MAP3K5: variants seen among roughly 807,000 people sequenced by gnomAD.
MAP3K5 encodes mitogen-activated protein kinase kinase kinase 5.
A neutral mutation model predicts 158.7 loss-of-function variants in MAP3K5; 56 were observed. The observed-to-expected ratio is 0.35, with a 90% CI of 0.28 to 0.44. The LOEUF (loss-of-function observed/expected upper bound fraction) is 0.44, where lower values mean the gene tolerates loss of function less well. Ranked by LOEUF, MAP3K5 falls within the 20% of genes least tolerant of loss-of-function variation. The probability of loss-of-function intolerance (pLI) is 1.00; values close to 1 mark genes in which losing one functional copy is unlikely to be tolerated. For missense variants in MAP3K5, 1,294 were observed against 1,674.8 expected, an observed-to-expected ratio of 0.77 and a Z score of 3.97; for synonymous variants, 579 against 601.7, an observed-to-expected ratio of 0.96 and a Z score of 0.55.
At chr6:136,630,926 C>A (rs1374047885) in intron 14 of MAP3K5, among the ~76,000 whole-genome samples, 5 of 152,016 alleles carry the variant, frequency 3.3e-5, no homozygotes, top group African/African-American at 1.2e-4. Flanking sequence ...ATGGTGAAAC[C>A]CTGTCTCTAT....
At chr6:136,778,755 T>TA (rs772246965) in intron 1 of MAP3K5, among the ~76,000 whole-genome samples, 3 of 152,224 alleles carry the variant, frequency 2.0e-5, no homozygotes, top group Non-Finnish European at 4.4e-5. Context: ...TGCCCCTCAG[T>TA]AGCTATGTGA....
intron 1 of MAP3K5, among the ~76,000 whole-genome samples, chr6:136,769,730 G>T (rs1390206225): frequency 3.0e-5 from 4 of 131,686 alleles, no homozygotes; most frequent in East Asian, 2.2e-4. Context: ...ACTGAAGGAA[G>T]GGAGGAAGGG....
At chr6:136,671,731 A>G (rs1583390662) in intron 7 of MAP3K5, among the ~76,000 whole-genome samples, 1 of 152,116 alleles carries the variant, frequency 6.6e-6, no homozygotes, top group African/African-American at 2.4e-5. Context: ...CTCCTGCCTC[A>G]GCCTCCCGAG....
At position 136,792,004 on chromosome 6, in the gene MAP3K5, C is replaced by CCGGCGG; in HGVS notation, c.148_153dup (p.Pro50_Pro51dup). The CCGGCGG allele has an allele frequency of 1.9e-6, 3 of 1,589,066 alleles. No individual in the cohort carries two copies. On this transcript the variant is annotated inframe_insertion, in exon 1 of 30. Coordinates refer to ENST00000359015, the MANE Select transcript of MAP3K5 (RefSeq NM_005923.4). This position sits in a 1 kb window ranked among gnomAD's most constrained non-coding sequence, Gnocchi z 5.7. ...GCGCTCTCCACGTTCCAGAAGCTGC[C>CCGGCGG]CGGCGGCGGCGGTGGCAGCTGGTGC...
chr6:136,627,453 C>A (rs1300183326), intron 14 of MAP3K5, among the ~76,000 whole-genome samples: 2 of 152,252 alleles, frequency 1.3e-5, no homozygotes, highest in Non-Finnish European at 2.9e-5. Flanking sequence ...GAAATCCAAA[C>A]TCCTTAGCAC....
intron 7 of MAP3K5, among the ~76,000 whole-genome samples, chr6:136,687,924 T>C (rs1184343764): frequency 6.6e-6 from 1 of 152,220 alleles, no homozygotes. Flanking sequence ...TATTGGTATA[T>C]ACCCAAAGGA....
intron 15 of MAP3K5, among the ~76,000 whole-genome samples, chr6:136,618,326 C>T (rs1357206251): frequency 6.6e-6 from 1 of 152,180 alleles, no homozygotes; most frequent in Non-Finnish European, 1.5e-5. Context: ...GAGTTGTCTG[C>T]GATCTCTTTA....
intron 14 of MAP3K5, among the ~76,000 whole-genome samples, chr6:136,632,244 G>A (rs1777402418): frequency 1.3e-5 from 2 of 152,260 alleles, no homozygotes; most frequent in African/African-American, 4.8e-5. Flanking sequence ...GCATCAGCTG[G>A]GCATGGTGGC....
In MAP3K5 at chr6:136,613,818, G is replaced by A. The variant is rs1369873146; in HGVS notation, c.2278+341C>T. ...CAAGCTGTAACCACTTAAATGTAATGACTTTGGGTAGAAGATGTTGCCACC... is the reference window on the plus strand; with the variant it reads ...CAAGCTGTAACCACTTAAATGTAATAACTTTGGGTAGAAGATGTTGCCACC... On this transcript the variant is annotated intron_variant, in intron 16 of 29. Transcript: ENST00000359015. The surrounding 1 kb of genome is among the most constrained non-coding windows in gnomAD (Gnocchi z 4.0). 6.6e-6 allele frequency among the ~76,000 whole-genome samples: 1 copy of A among 151,774 alleles called. No homozygotes were observed. Among genetic ancestry groups the A allele is most frequent in the Non-Finnish European group, 1.5e-5 (1 of 68,012 alleles).
Position 136,791,841 on chromosome 6 carries a change from A to C in MAP3K5, c.317T>G (p.Val106Gly). The C allele has an allele frequency of 5.0e-6, 8 of 1,613,712 alleles. No individual in the cohort carries two copies. Among genetic ancestry groups the C allele is most frequent in the Non-Finnish European group, 6.8e-6 (8 of 1,179,976 alleles). The change falls in exon 1 of 30, where the codon GTG becomes GGG. Residue 106 changes from valine (V) to glycine (G), a missense_variant. Val to Gly is a moderately radical substitution (Grantham distance 109). Coordinates refer to ENST00000359015, the MANE Select transcript of MAP3K5 (RefSeq NM_005923.4). ...CTGCAGGGCCTCGCTCTCGGCCACC[A>C]CCAGTTGCCCTTGGCTCGCTTCGTT... Reference protein sequence around the residue: ...VINEASQGQLVVAESEALQSL... With the variant: ...VINEASQGQLGVAESEALQSL...
intron 18 of MAP3K5, among the ~76,000 whole-genome samples, chr6:136,607,894 C>T (rs1397047271): frequency 6.6e-6 from 1 of 152,162 alleles, no homozygotes; most frequent in African/African-American, 2.4e-5. Flanking sequence ...AATTATACAG[C>T]ATGTTAGAAA....
chr6:136,736,696 T>C (rs1400689024), intron 1 of MAP3K5, among the ~76,000 whole-genome samples: 1 of 152,054 alleles, frequency 6.6e-6, no homozygotes, highest in Non-Finnish European at 1.5e-5. Flanking sequence ...GGAAAACTAA[T>C]GTTGTTGTTT....
chr6:136,636,034 A>G (rs187643659), intron 14 of MAP3K5, among the ~76,000 whole-genome samples: 257 of 152,280 alleles, frequency 1.7e-3, no homozygotes, highest in Non-Finnish European at 1.4e-3. Context: ...TGAGCTATAG[A>G]TTCTTCATTT....
At chr6:136,667,907 A>G (rs1161814055) in intron 8 of MAP3K5, among the ~76,000 whole-genome samples, 1 of 152,136 alleles carries the variant, frequency 6.6e-6, no homozygotes, top group Admixed American at 6.5e-5. Flanking sequence ...GCTATCCCAC[A>G]GTAATAAATA....
intron 7 of MAP3K5, among the ~76,000 whole-genome samples, chr6:136,689,489 A>G (rs1780295909): frequency 2.6e-5 from 4 of 152,104 alleles, no homozygotes; most frequent in Admixed American, 6.5e-5. Flanking sequence ...TATGGTTTGA[A>G]TGTTTCTCCC....
Position 136,738,942 on chromosome 6 carries a change from GCACACA to G in MAP3K5, c.449-18359_449-18354del, listed in dbSNP as rs59144448. ...AAGTCATCCAAACACACACACGCGTGCACACACACACACACACACACACACCCATGC... is the reference window on the plus strand; with the variant it reads ...AAGTCATCCAAACACACACACGCGTGCACACACACACACACACACCCATGC... On this transcript the variant is annotated intron_variant, in intron 1 of 29. Transcript: ENST00000359015. 4.3e-3 allele frequency among the ~76,000 whole-genome samples: 639 copies of G among 149,672 alleles called. 5 individuals carry two copies. The highest frequency in any genetic ancestry group is 0.014 in the African/African-American group (578 of 40,928).
chr6:136,728,586 G>A (rs1372404739), intron 1 of MAP3K5, among the ~76,000 whole-genome samples: 5 of 152,008 alleles, frequency 3.3e-5, no homozygotes, highest in Non-Finnish European at 7.4e-5. Context: ...TGTGTTATTT[G>A]GTTAATTATA....
Position 136,659,294 on chromosome 6 carries a change from GC to G in MAP3K5, c.1450del (p.Ala484ProfsTer4). The G allele has an allele frequency of 6.2e-7, 1 of 1,614,018 alleles. No individual in the cohort carries two copies. The highest frequency in any genetic ancestry group is 8.5e-7 in the Non-Finnish European group (1 of 1,179,980). On this transcript the variant is annotated frameshift_variant, in exon 9 of 30. Transcript: ENST00000359015. LOFTEE classifies it high-confidence loss of function. Reference sequence around the variant, plus strand: ...CATGTGGTCATTGGCTAGGACGCTGGCCCCCAGAAAAAATCCAACTTCCCAG... The same window carrying G: ...CATGTGGTCATTGGCTAGGACGCTGGCCCCAGAAAAAATCCAACTTCCCAG... ...SYWEVGFFLGASVLANDHMRV... is the reference protein window; with the variant it reads ...SYWEVGFFLGXSVLANDHMRV...
In MAP3K5 at chr6:136,622,838, A is replaced by G. The variant is rs41288961; in HGVS notation, c.2150+10T>C. The G allele has an allele frequency of 4.7e-3, 7,432 of 1,581,296 alleles. 256 individuals carry two copies. In the African/African-American group the frequency reaches 0.086, roughly 18 times the overall value. ...TACAGAACAGCTTTTAGTAGCTACA[A>G]TTACTGTACCTGCTGTCTCTCTCTG... On this transcript the variant is annotated intron_variant, in intron 15 of 29. Transcript: ENST00000359015.
Sources: gnomAD v4.1 joint callset for allele counts (sites outside exome capture counted in the v4.1 genomes callset) on GRCh38, gnomAD v4.1.1 for gene constraint, Gnocchi (gnomAD v3.1) non-coding constraint, MANE v1.5 for transcripts, NCBI Gene and HGNC (gene_info 2026-07-23, HGNC 2026-07-21) for gene names.